Variants in CPNE4 observed in about 807,000 individuals in gnomAD.
CPNE4 encodes copine-4.
A neutral mutation model predicts 67.9 loss-of-function variants in CPNE4; 25 were observed. That is an observed-to-expected ratio of 0.37 (90% CI 0.27 to 0.51). The LOEUF (loss-of-function observed/expected upper bound fraction) is 0.51, where lower values mean the gene tolerates loss of function less well. Ranked by LOEUF, CPNE4 falls within the 20% of genes least tolerant of loss-of-function variation. CPNE4 has a pLI of 0.93. For synonymous variants in CPNE4, 242 were observed against 244.9 expected (o/e 0.99, Z 0.11); for missense variants, 464 against 690.8 (o/e 0.67, Z 3.68).
intron 4 of CPNE4, 123 bp downstream of exon 4, chr3:131,699,786 T>C (rs2081247503): frequency 1.7e-6 from 1 of 593,068 alleles, no homozygotes; most frequent in Non-Finnish European, 3.0e-6. Flanking sequence ...TTTCAATAGT[T>C]CAGTAGTTGT....
chr3:131,719,585 G>A (rs997451161), intron 3 of CPNE4, among the ~76,000 whole-genome samples: 20 of 152,012 alleles, frequency 1.3e-4, no homozygotes, highest in Non-Finnish European at 2.8e-4. Flanking sequence ...CCTCATATGT[G>A]CTATCTCCAT....
intron 7 of CPNE4, among the ~76,000 whole-genome samples, chr3:131,601,359 T>G (rs1939196932): frequency 6.6e-6 from 1 of 152,156 alleles, no homozygotes; most frequent in African/African-American, 2.4e-5. Flanking sequence ...CAAGACAGTT[T>G]CATCCCTCAA....
At chr3:131,693,320 A>G (rs553100904) in intron 5 of CPNE4, among the ~76,000 whole-genome samples, 16 of 152,312 alleles carry the variant, frequency 1.1e-4, no homozygotes, top group African/African-American at 3.8e-4. Context: ...ATTAATATTT[A>G]CCATATTATA....
chr3:131,756,807 C>T (rs570434077), intron 2 of CPNE4, among the ~76,000 whole-genome samples: 24 of 152,248 alleles, frequency 1.6e-4, no homozygotes, highest in Admixed American at 4.6e-4. Context: ...AGAATTCCCA[C>T]GTGTGATGGA....
At chr3:131,899,199 G>A (rs762980554) in intron 2 of CPNE4, among the ~76,000 whole-genome samples, 4 of 152,152 alleles carry the variant, frequency 2.6e-5, no homozygotes, top group African/African-American at 4.8e-5. Context: ...AAACTCAAAC[G>A]CCTCCAGGGG....
chr3:131,930,503 G>A (rs2071029676), intron 1 of CPNE4, among the ~76,000 whole-genome samples: 1 of 152,002 alleles, frequency 6.6e-6, no homozygotes, highest in Non-Finnish European at 1.5e-5. Context: ...GTATCTATGG[G>A]ACAGATGTAT....
intron 2 of CPNE4, among the ~76,000 whole-genome samples, chr3:131,787,745 G>C (rs1406346350): frequency 6.6e-6 from 1 of 152,138 alleles, no homozygotes; most frequent in Non-Finnish European, 1.5e-5. Flanking sequence ...TCTTGTGTAA[G>C]AGTTAATTTG....
At chr3:131,542,858 A>C in intron 14 of CPNE4, 65 bp from the exon 15 acceptor site, 2 of 1,164,778 alleles carry the variant, frequency 1.7e-6, no homozygotes, top group Non-Finnish European at 2.5e-6. Flanking sequence ...GGACAATACA[A>C]TACCAGTTAG....
At chr3:131,610,830 A>G (rs1452024085) in intron 7 of CPNE4, among the ~76,000 whole-genome samples, 1 of 152,172 alleles carries the variant, frequency 6.6e-6, no homozygotes, top group African/African-American at 2.4e-5. Context: ...TGCCATCTAA[A>G]ACAATGACTG....
At chr3:131,751,114 G>A (rs956666678) in intron 2 of CPNE4, among the ~76,000 whole-genome samples, 36 of 152,038 alleles carry the variant, frequency 2.4e-4, no homozygotes, top group African/African-American at 7.5e-4. Context: ...TAATTATGAT[G>A]TATCTTGGCA....
At chr3:131,673,152 T>A (rs1339324911) in intron 6 of CPNE4, among the ~76,000 whole-genome samples, 1 of 152,086 alleles carries the variant, frequency 6.6e-6, no homozygotes, top group African/African-American at 2.4e-5. Context: ...TCAATGCATG[T>A]GTATGAATTT....
rs1462963280 is a variant in CPNE4, at chr3:131,551,923, T to C, written c.1168+517A>G. Among the ~76,000 whole-genome samples the C allele has an allele frequency of 3.3e-5, 5 of 152,204 alleles. No individual in the cohort carries two copies. The East Asian group carries it at 5.8e-4, about 18-fold the overall frequency. On this transcript the variant is annotated intron_variant, in intron 13 of 15. Coordinates refer to ENST00000429747, the MANE Select transcript of CPNE4 (RefSeq NM_130808.3). ...AACAATGGAACATGAACCAGAACCT[T>C]TGAGCAGGCTTTCTCTGGCACAAAG...
intron 10 of CPNE4, among the ~76,000 whole-genome samples, chr3:131,570,317 T>C (rs1937269729): frequency 6.8e-6 from 1 of 147,354 alleles, no homozygotes. Context: ...TTTTATTTAT[T>C]TATTTATTTA....
chr3:132,033,405 C>CTGTG (rs59853721), intron 1 of CPNE4, among the ~76,000 whole-genome samples: 52 of 150,840 alleles, frequency 3.4e-4, no homozygotes, highest in Middle Eastern at 3.4e-3. Context: ...GTGTGTGTGT[C>CTGTG]TGTGTGTGTG....
chr3:131,672,417 C>A (rs562952386), intron 6 of CPNE4, among the ~76,000 whole-genome samples: 140 of 152,198 alleles, frequency 9.2e-4, no homozygotes, highest in Non-Finnish European at 1.6e-3. Context: ...CTATTCTCCA[C>A]AATGATTATA....
chr3:132,016,761 T>C (rs184762735), intron 1 of CPNE4, among the ~76,000 whole-genome samples: 1 of 152,300 alleles, frequency 6.6e-6, no homozygotes, highest in East Asian at 1.9e-4. Context: ...CACAAATTGG[T>C]CCGTTCTCAG....
intron 1 of CPNE4, among the ~76,000 whole-genome samples, chr3:131,976,004 G>A (rs527355582): frequency 2.0e-5 from 3 of 150,616 alleles, no homozygotes; most frequent in Non-Finnish European, 4.4e-5. Flanking sequence ...AAAGATTAAA[G>A]TAGACTTATG....
At chr3:131,963,742 C>T (rs1405758314) in intron 1 of CPNE4, among the ~76,000 whole-genome samples, 2 of 152,196 alleles carry the variant, frequency 1.3e-5, no homozygotes, top group South Asian at 2.1e-4. Context: ...CAGTCACGGG[C>T]TTATAGATAA....
At chr3:131,987,408 C>CA (rs2073080516) in intron 1 of CPNE4, among the ~76,000 whole-genome samples, 1 of 143,184 alleles carries the variant, frequency 7.0e-6, no homozygotes, top group Admixed American at 7.1e-5. Context: ...TTTTTTGAGA[C>CA]AGAGTTTGGC....
Sources: gnomAD v4.1 joint callset for allele counts (sites outside exome capture counted in the v4.1 genomes callset) on GRCh38, gnomAD v4.1.1 for gene constraint, MANE v1.5 for transcripts, NCBI Gene and HGNC (gene_info 2026-07-23, HGNC 2026-07-21) for gene names.